The following SORL1 variants were observed in gnomAD, a reference collection of about 807,000 sequenced individuals.
The protein encoded by SORL1 is sortilin-related receptor.
A neutral mutation model predicts 273.7 loss-of-function variants in SORL1; 127 were observed. The ratio of observed to expected loss-of-function variants is 0.46; its 90% CI spans 0.40 to 0.54. The LOEUF (loss-of-function observed/expected upper bound fraction) is 0.54. SORL1 is among the 20% of genes least tolerant of loss of function. The probability of loss-of-function intolerance (pLI) is 0.00; values close to 1 mark genes in which losing one functional copy is unlikely to be tolerated. For synonymous variants in SORL1, 1,031 were observed against 1,067.4 expected (o/e 0.97, Z 0.66); for missense variants, 2,494 against 2,846.1 (o/e 0.88, Z 2.81).
chr11:121,521,298 A>G (rs1431984478), intron 9 of SORL1, among the ~76,000 whole-genome samples: 1 of 152,196 alleles, frequency 6.6e-6, no homozygotes, highest in Non-Finnish European at 1.5e-5. Context: ...CATCAAATCT[A>G]ATTTTGGAAA....
At chr11:121,570,097 G>C (rs1862817460) in intron 22 of SORL1, 60 bp from the exon 23 acceptor site, 2 of 1,087,980 alleles carry the variant, frequency 1.8e-6, no homozygotes, top group Non-Finnish European at 2.8e-6. Flanking sequence ...AAAGACCTGT[G>C]GTCCAGCAGT....
intron 40 of SORL1, among the ~76,000 whole-genome samples, chr11:121,613,804 C>G (rs1401860078): frequency 6.6e-6 from 1 of 152,202 alleles, no homozygotes; most frequent in African/African-American, 2.4e-5. Context: ...ATCTCATTGC[C>G]TTAGTGTTGC....
chr11:121,605,567 G>A lies in SORL1; in HGVS notation c.4944G>A (p.Glu1648=). The change falls in exon 35 of 48, where the codon GAG becomes GAA. Residue 1648 remains glutamate, a synonymous_variant. Transcript: ENST00000260197. ...TNDFVTLRTP[E]GLPDAPRNLQ... ...ACTTTGTGACCCTGAGGACCCCAGA[G>A]GGATGTAAGTGTTTCAGTTAATTTT... The A allele has an allele frequency of 2.5e-6, 4 of 1,612,316 alleles. No homozygotes were observed. In the South Asian group the frequency reaches 4.4e-5, roughly 18 times the overall value.
intron 34 of SORL1, 29 bp downstream of exon 34, chr11:121,605,268 A>G: frequency 1.2e-6 from 2 of 1,601,020 alleles, no homozygotes; most frequent in Non-Finnish European, 1.7e-6. Flanking sequence ...ATGGGAGATG[A>G]AAATGATGTC....
At chr11:121,625,464 G>A (rs747636378) in intron 46 of SORL1, among the ~76,000 whole-genome samples, 187 bp downstream of exon 46, 1 of 152,146 alleles carries the variant, frequency 6.6e-6, no homozygotes, top group Non-Finnish European at 1.5e-5. Context: ...GCTGAACATG[G>A]TACAGGAAGC....
rs539629794 is a variant in SORL1 at position 121,612,625 on chromosome 11, T to C, written c.5323-111T>C. ...AAAAACAACCTGTTCACTGTAAGAA[T>C]GAGATACCCAAGGAAAGAACAGGAA... On this transcript the variant is annotated intron_variant, in intron 39 of 47. Transcript: ENST00000260197. 419 of 746,704 alleles carry C rather than the reference T, an allele frequency of 5.6e-4. 4 individuals carry two copies. The South Asian group carries it at 6.5e-3, about 12-fold the overall frequency. The allele number at this position is 746,704 out of a possible 1,614,324, so 46.3% of individuals were successfully genotyped here. A position where few individuals can be genotyped will look rare whatever the true frequency, so the allele number is the denominator to read the frequency against.
intron 16 of SORL1, among the ~76,000 whole-genome samples, chr11:121,551,735 G>A (rs749289956): frequency 3.8e-4 from 58 of 152,146 alleles, no homozygotes; most frequent in Non-Finnish European, 7.8e-4. Flanking sequence ...GCTCACTGCC[G>A]CCAGCTTGCC....
At chr11:121,562,409 A>G (rs191374090) in intron 21 of SORL1, among the ~76,000 whole-genome samples, 1 of 152,348 alleles carries the variant, frequency 6.6e-6, no homozygotes, top group East Asian at 1.9e-4. Context: ...ACCACTGTCC[A>G]AAAATATATA....
intron 26 of SORL1, among the ~76,000 whole-genome samples, chr11:121,585,500 T>TAC (rs58254356): frequency 0.13 from 18,013 of 137,348 alleles, 1,294 homozygotes; most frequent in Middle Eastern, 0.25. Context: ...AAAATGTATA[T>TAC]ACACACACAC....
At chr11:121,589,969 T>G in intron 29 of SORL1, 71 bp from the exon 30 acceptor site, 1 of 1,560,500 alleles carries the variant, frequency 6.4e-7, no homozygotes, top group South Asian at 1.2e-5. Flanking sequence ...TGGAGGAGGA[T>G]GCCTAGAGTT....
chr11:121,506,788 C>T (rs1168375820), intron 6 of SORL1, among the ~76,000 whole-genome samples: 1 of 152,142 alleles, frequency 6.6e-6, no homozygotes, highest in Non-Finnish European at 1.5e-5. Flanking sequence ...AATTTACTTA[C>T]ATTTAATGTA....
chr11:121,571,261 A>G (rs1273195325), intron 23 of SORL1, among the ~76,000 whole-genome samples: 2 of 152,252 alleles, frequency 1.3e-5, no homozygotes, highest in African/African-American at 2.4e-5. Flanking sequence ...GAGGGAATCA[A>G]TTCACAGGCA....
chr11:121,610,708 T>G (rs2134932038), intron 38 of SORL1: 2 of 172,344 alleles, frequency 1.2e-5, no homozygotes, highest in Non-Finnish European at 1.2e-5. Flanking sequence ...CGAAAGGACT[T>G]GAGATTGGTG....
At chr11:121,475,875 T>C (rs565479748) in intron 2 of SORL1, among the ~76,000 whole-genome samples, 1 of 152,354 alleles carries the variant, frequency 6.6e-6, no homozygotes, top group South Asian at 2.1e-4. Flanking sequence ...TATTCATTTA[T>C]TTATCACATT....
At chr11:121,457,299 A>G (rs1029495808) in intron 1 of SORL1, among the ~76,000 whole-genome samples, 1 of 152,226 alleles carries the variant, frequency 6.6e-6, no homozygotes, top group Admixed American at 6.5e-5. Flanking sequence ...TAGGTAATGC[A>G]CGTTTACAAA....
At chr11:121,538,587 G>A (rs549308246) in intron 12 of SORL1, among the ~76,000 whole-genome samples, 12 of 152,126 alleles carry the variant, frequency 7.9e-5, no homozygotes, top group African/African-American at 1.7e-4. Context: ...GATGTTCCCC[G>A]TCCTGTATTT....
At chr11:121,510,539 G>A (rs1377599688) in intron 6 of SORL1, among the ~76,000 whole-genome samples, 2 of 152,214 alleles carry the variant, frequency 1.3e-5, no homozygotes, top group African/African-American at 4.8e-5. Flanking sequence ...AAGACAGCAA[G>A]TAGGACCTCT....
chr11:121,599,097 G>A (rs1325464624), intron 32 of SORL1, among the ~76,000 whole-genome samples: 1 of 152,020 alleles, frequency 6.6e-6, no homozygotes, highest in African/African-American at 2.4e-5. Context: ...AACTATTCCT[G>A]TTGGAACTCA....
intron 1 of SORL1, among the ~76,000 whole-genome samples, chr11:121,463,260 A>AT (rs11446353): frequency 0.48 from 72,330 of 149,622 alleles, 17,373 homozygotes; most frequent in East Asian, 0.57. Flanking sequence ...TATTTTCCTC[A>AT]TTTTTTTTTT....
Sources: allele counts gnomAD v4.1 joint callset (sites outside exome capture counted in the v4.1 genomes callset), GRCh38; gene constraint gnomAD v4.1.1; transcripts MANE v1.5; gene names NCBI Gene and HGNC (gene_info 2026-07-23, HGNC 2026-07-21).